Variants in SHANK2 observed in about 807,000 individuals in gnomAD.
SHANK2 encodes SH3 and multiple ankyrin repeat domains protein 2.
In SHANK2, 43 loss-of-function variants were observed where a neutral mutation model predicts 133.7. That is an observed-to-expected ratio of 0.32 (90% CI 0.25 to 0.41). The LOEUF is 0.41. Ranked by LOEUF, SHANK2 falls within the 10% of genes least tolerant of loss-of-function variation. The pLI is 1.00. For missense variants in SHANK2, 1,994 were observed against 2,235.8 expected (o/e 0.89, Z 2.18); for synonymous variants, 1,017 against 952.8 (o/e 1.07, Z -1.24).
intron 1 of SHANK2, among the ~76,000 whole-genome samples, chr11:71,247,993 C>T (rs1305725133): frequency 1.3e-5 from 2 of 152,214 alleles, no homozygotes; most frequent in African/African-American, 4.8e-5. Flanking sequence ...AACTTAATCT[C>T]CCAGGGAGCG....
chr11:70,835,340 G>A (rs781902113), intron 11 of SHANK2, among the ~76,000 whole-genome samples: 2 of 152,072 alleles, frequency 1.3e-5, no homozygotes, highest in Admixed American at 6.5e-5. Flanking sequence ...GTGCTGAGAC[G>A]TGCTCCGCCA....
At chr11:70,892,849 A>G (rs1949870376) in intron 11 of SHANK2, among the ~76,000 whole-genome samples, 1 of 152,130 alleles carries the variant, frequency 6.6e-6, no homozygotes, top group Non-Finnish European at 1.5e-5. Flanking sequence ...ATGACCAGGC[A>G]CACCCTCTGC....
At chr11:71,154,323 A>T (rs771050857) in intron 2 of SHANK2, among the ~76,000 whole-genome samples, 1 of 152,204 alleles carries the variant, frequency 6.6e-6, no homozygotes, top group Non-Finnish European at 1.5e-5. Context: ...GGATGTTAGA[A>T]AATTGCCGTT....
At chr11:70,524,816 G>C (rs535222086) in intron 17 of SHANK2, among the ~76,000 whole-genome samples, 15 of 152,354 alleles carry the variant, frequency 9.8e-5, no homozygotes, top group African/African-American at 3.4e-4. Context: ...GGAACATGTT[G>C]AGATAGCCCC....
At chr11:70,587,231 C>T (rs1163301465) in intron 17 of SHANK2, among the ~76,000 whole-genome samples, 7 of 152,174 alleles carry the variant, frequency 4.6e-5, no homozygotes, top group East Asian at 3.8e-4. Flanking sequence ...AGGGATGCCA[C>T]GCCACATGAA....
rs540716310 is a variant in SHANK2 at position 71,154,688 on chromosome 11, A to C, written c.-12-7350T>G. On this transcript the variant is annotated intron_variant, in intron 2 of 25. Transcript: ENST00000601538. The stretch of plus-strand genomic sequence containing the variant: ...GCTCCCAGAGGGATGGACCTACCCC[A>C]GCCCACGCTCCCAGAGGAGGGATGG... Among the ~76,000 whole-genome samples the C allele has an allele frequency of 9.6e-3, 1,092 of 113,518 alleles. 11 individuals are homozygous for C. Among genetic ancestry groups the C allele is most frequent in the African/African-American group, 0.031 (895 of 28,872 alleles). 74.5% of individuals were successfully genotyped at this position (113,518 alleles called of 152,430 possible).
intron 11 of SHANK2, among the ~76,000 whole-genome samples, chr11:70,861,980 G>A (rs562836688): frequency 6.6e-6 from 1 of 152,056 alleles, no homozygotes; most frequent in Non-Finnish European, 1.5e-5. Context: ...AGAGAGCAGG[G>A]GGCAGGGGCA....
chr11:71,077,020 G>A (rs1477327379), intron 8 of SHANK2, among the ~76,000 whole-genome samples: 2 of 152,194 alleles, frequency 1.3e-5, no homozygotes, highest in East Asian at 1.9e-4. Flanking sequence ...GAGAGAAAGA[G>A]AGGAGACAGG....
At chr11:70,597,970 C>T (rs1164832105) in intron 17 of SHANK2, among the ~76,000 whole-genome samples, 1 of 152,320 alleles carries the variant, frequency 6.6e-6, no homozygotes, top group African/African-American at 2.4e-5. Flanking sequence ...TTGCGGGCAC[C>T]CCTGCACCAA....
In SHANK2 at chr11:70,486,580, G is replaced by A. The variant is rs782561146; in HGVS notation, c.3713C>T (p.Ala1238Val). ...KESQQGPKGEAPKADLNKPLY... is the reference protein window; with the variant it reads ...KESQQGPKGEVPKADLNKPLY... ...AGGTTTGTTGAGGTCGGCCTTGGGG[G>A]CCTCCCCTTTGGGTCCCTGTTGAGA... Residue 1238 changes from alanine (A) to valine (V), a missense_variant, in exon 25 of 26, where the codon GCC (alanine) becomes GTC (valine). This residue lies in a region of SHANK2 where 797 missense variants were observed against 907.4 expected (regional missense o/e 0.88). Coordinates refer to ENST00000601538, the MANE Select transcript of SHANK2 (RefSeq NM_012309.5). The surrounding 1 kb of genome is among the most constrained non-coding windows in gnomAD (Gnocchi z 8.0). 2 of 1,614,010 alleles carry A rather than the reference G, an allele frequency of 1.2e-6. No homozygotes were observed. The highest frequency in any genetic ancestry group is 1.7e-6 in the Non-Finnish European group (2 of 1,180,028).
chr11:70,613,189 T>C (rs1554994843), intron 17 of SHANK2, among the ~76,000 whole-genome samples: 1 of 152,128 alleles, frequency 6.6e-6, no homozygotes, highest in African/African-American at 2.4e-5. Context: ...GATTTGGGAC[T>C]TTTTTTCATG....
intron 11 of SHANK2, chr11:70,826,892 A>T (rs759619025): frequency 6.0e-5 from 12 of 198,964 alleles, no homozygotes; most frequent in Non-Finnish European, 9.4e-5. Context: ...GGGAGGCATG[A>T]GTGAGCTCGA....
rs570080526 is a variant in SHANK2, at chr11:70,829,694, T to C, written c.1175-9012A>G. 4.6e-5 allele frequency among the ~76,000 whole-genome samples: 7 copies of C among 152,264 alleles called. No individual in the cohort carries two copies. In the South Asian group the frequency reaches 1.5e-3, roughly 32 times the overall value. On this transcript the variant is annotated intron_variant, in intron 11 of 25. Coordinates refer to ENST00000601538, the MANE Select transcript of SHANK2 (RefSeq NM_012309.5). The stretch of plus-strand genomic sequence containing the variant: ...CACCCCCAGGCTAAAGGATCCCTTT[T>C]CCAGACACCTTCAATTCTTTCAATA...
At chr11:70,677,701 C>T (rs1050530206) in intron 15 of SHANK2, among the ~76,000 whole-genome samples, 1 of 152,192 alleles carries the variant, frequency 6.6e-6, no homozygotes, top group East Asian at 1.9e-4. Context: ...CAACACAGCA[C>T]GTCCCACCAG....
At position 70,637,516 on chromosome 11, in the gene SHANK2, G is replaced by A. The variant is rs148104724; in HGVS notation, c.2061+22312C>T. On this transcript the variant is annotated intron_variant, in intron 17 of 25. Transcript: ENST00000601538. ...TGCCCACAGAGACAAATGAGCGGCC[G>A]GAGAGCCAGCCCATGATAGGCAGCT... 7.9e-5 allele frequency among the ~76,000 whole-genome samples: 12 copies of A among 152,226 alleles called. No individual in the cohort carries two copies. In the East Asian group the frequency reaches 9.7e-4, roughly 12 times the overall value.
At chr11:71,202,062 A>G (rs1036691051) in intron 2 of SHANK2, among the ~76,000 whole-genome samples, 3 of 152,238 alleles carry the variant, frequency 2.0e-5, no homozygotes, top group Non-Finnish European at 4.4e-5. Context: ...GTGTGCCCAC[A>G]TGGCTCACGG....
At chr11:70,900,769 C>T (rs1950011836) in intron 10 of SHANK2, among the ~76,000 whole-genome samples, 1 of 152,190 alleles carries the variant, frequency 6.6e-6, no homozygotes, top group African/African-American at 2.4e-5. Context: ...TGTCCTCTGG[C>T]ACTGCCCGCC....
chr11:70,674,912 A>G (rs368590410), intron 15 of SHANK2, among the ~76,000 whole-genome samples: 5 of 152,368 alleles, frequency 3.3e-5, no homozygotes, highest in African/African-American at 1.2e-4. Context: ...TATTCTAACG[A>G]CATTTAAGTC....
chr11:70,849,301 A>G (rs988674122), intron 11 of SHANK2, among the ~76,000 whole-genome samples: 23 of 152,196 alleles, frequency 1.5e-4, no homozygotes, highest in African/African-American at 4.1e-4. Context: ...ATGTATACAC[A>G]TGCATGCATG....
Sources: allele counts gnomAD v4.1 joint callset (sites outside exome capture counted in the v4.1 genomes callset), GRCh38; gene constraint gnomAD v4.1.1; regional missense constraint gnomAD v4.1.1; non-coding constraint Gnocchi (gnomAD v3.1); transcripts MANE v1.5; gene names NCBI Gene and HGNC (gene_info 2026-07-23, HGNC 2026-07-21).